Variants in PTPRK observed in about 807,000 individuals in gnomAD.
PTPRK encodes the protein protein tyrosine phosphatase receptor type K, also known as receptor-type tyrosine-protein phosphatase kappa.
PTPRK carries 75 observed loss-of-function variants against 178.0 expected under a neutral mutation model. The observed-to-expected ratio is 0.42, with a 90% CI of 0.35 to 0.51. The LOEUF is 0.51. PTPRK is among the 20% of genes least tolerant of loss of function. The pLI is 0.02. For missense variants in PTPRK, 1,441 were observed against 1,797.8 expected (o/e 0.80, Z 3.59); for synonymous variants, 637 against 620.6 (o/e 1.03, Z -0.39).
At chr6:128,185,336 A>T (rs1004081305) in intron 6 of PTPRK, among the ~76,000 whole-genome samples, 1 of 152,146 alleles carries the variant, frequency 6.6e-6, no homozygotes, top group African/African-American at 2.4e-5. Flanking sequence ...TTAAACTCAA[A>T]TATCAAAGGC....
At chr6:128,429,093 A>G (rs190434742) in intron 1 of PTPRK, among the ~76,000 whole-genome samples, 1 of 152,350 alleles carries the variant, frequency 6.6e-6, no homozygotes, top group African/African-American at 2.4e-5. Context: ...TTTGTTAAGA[A>G]AATGTAAGGC....
At chr6:128,078,488 T>A (rs1483571332) in intron 11 of PTPRK, among the ~76,000 whole-genome samples, 1 of 151,886 alleles carries the variant, frequency 6.6e-6, no homozygotes, top group Non-Finnish European at 1.5e-5. Context: ...TATCTCAGTT[T>A]CAGTTACCCG....
intron 2 of PTPRK, among the ~76,000 whole-genome samples, chr6:128,374,384 C>T (rs575227260): frequency 6.6e-6 from 1 of 152,220 alleles, no homozygotes; most frequent in Admixed American, 6.5e-5. Flanking sequence ...TAGTCCTCTC[C>T]CCTGATAATC....
intron 15 of PTPRK, among the ~76,000 whole-genome samples, chr6:128,001,676 T>C (rs1355061140): frequency 6.6e-6 from 1 of 151,730 alleles, no homozygotes; most frequent in Non-Finnish European, 1.5e-5. Flanking sequence ...ATGAAAAAGG[T>C]ATGGTAGGAA....
chr6:128,272,157 G>A (rs1008161298), intron 3 of PTPRK, among the ~76,000 whole-genome samples: 2 of 152,090 alleles, frequency 1.3e-5, no homozygotes, highest in African/African-American at 4.8e-5. Context: ...CTAGCCATAT[G>A]GAGAAAGCTG....
At chr6:128,211,176 G>C (rs1277002078) in intron 6 of PTPRK, among the ~76,000 whole-genome samples, 1 of 151,918 alleles carries the variant, frequency 6.6e-6, no homozygotes. Flanking sequence ...AGAAGAGACT[G>C]TTGTATATTT....
intron 1 of PTPRK, among the ~76,000 whole-genome samples, chr6:128,461,918 G>T (rs146985818): frequency 1.7e-3 from 252 of 152,288 alleles, no homozygotes; most frequent in African/African-American, 5.7e-3. Flanking sequence ...CATCATTGAT[G>T]AATAATATTA....
At chr6:128,375,358 C>G (rs899178439) in intron 2 of PTPRK, among the ~76,000 whole-genome samples, 1 of 151,712 alleles carries the variant, frequency 6.6e-6, no homozygotes. Flanking sequence ...TTATGTCTTA[C>G]ATGGATGGCA....
At chr6:128,256,211 A>G (rs75068004) in intron 3 of PTPRK, among the ~76,000 whole-genome samples, 2,898 of 152,258 alleles carry the variant, frequency 0.019, 80 homozygotes, top group African/African-American at 0.038. Context: ...GAACGCTATG[A>G]GAGTTCAGGG....
chr6:128,163,642 A>C (rs1418560656), intron 7 of PTPRK, among the ~76,000 whole-genome samples: 1 of 151,502 alleles, frequency 6.6e-6, no homozygotes, highest in Non-Finnish European at 1.5e-5. Flanking sequence ...CGTTTGTGAG[A>C]ATAAGGTTAA....
At chr6:127,987,070 C>T (rs1776060227) in intron 21 of PTPRK, among the ~76,000 whole-genome samples, 2 of 151,892 alleles carry the variant, frequency 1.3e-5, no homozygotes, top group African/African-American at 4.8e-5. Context: ...TAATACTTTA[C>T]TCCTTCTATA....
intron 7 of PTPRK, among the ~76,000 whole-genome samples, chr6:128,114,210 T>A (rs1265983767): frequency 6.6e-6 from 1 of 151,740 alleles, no homozygotes; most frequent in African/African-American, 2.4e-5. Flanking sequence ...GCTGCATGGG[T>A]GGGAATGCCT....
At chr6:128,430,949 T>C (rs2128393825) in intron 1 of PTPRK, among the ~76,000 whole-genome samples, 2 of 150,956 alleles carry the variant, frequency 1.3e-5, no homozygotes, top group Admixed American at 1.3e-4. Context: ...TCTTTTTTTT[T>C]TTTTTTTGAG....
intron 10 of PTPRK, among the ~76,000 whole-genome samples, chr6:128,079,171 T>C (rs73584650): frequency 0.028 from 4,275 of 152,084 alleles, 192 homozygotes; most frequent in African/African-American, 0.097. Context: ...ATTCCAAATA[T>C]TTTGTGAAGA....
At chr6:128,107,188 T>C (rs908058476) in intron 7 of PTPRK, among the ~76,000 whole-genome samples, 2 of 151,994 alleles carry the variant, frequency 1.3e-5, no homozygotes, top group Non-Finnish European at 2.9e-5. Flanking sequence ...TTATCTCATA[T>C]AGTATTATAT....
At chr6:128,227,788 T>C (rs1319729903) in intron 5 of PTPRK, among the ~76,000 whole-genome samples, 1 of 152,082 alleles carries the variant, frequency 6.6e-6, no homozygotes, top group South Asian at 2.1e-4. Context: ...ATTCATGAGA[T>C]GAAACAATAT....
At chr6:128,293,408 C>A (rs1823739674) in intron 3 of PTPRK, among the ~76,000 whole-genome samples, 2 of 152,126 alleles carry the variant, frequency 1.3e-5, no homozygotes, top group African/African-American at 4.8e-5. Context: ...ACCCCACAAG[C>A]CAACACCTTT....
chr6:128,380,998 A>G (rs1837831594), intron 2 of PTPRK, among the ~76,000 whole-genome samples: 1 of 152,170 alleles, frequency 6.6e-6, no homozygotes, highest in African/African-American at 2.4e-5. Flanking sequence ...ACAGTTTTAA[A>G]CCCATTTTTT....
chr6:128,366,999 T>C (rs1379967041), intron 2 of PTPRK, among the ~76,000 whole-genome samples: 1 of 152,016 alleles, frequency 6.6e-6, no homozygotes, highest in Non-Finnish European at 1.5e-5. Context: ...CAAGCAAACT[T>C]CTCGTTTGAT....
Sources: allele counts gnomAD v4.1 joint callset (sites outside exome capture counted in the v4.1 genomes callset), GRCh38; gene constraint gnomAD v4.1.1; transcripts MANE v1.5; gene names NCBI Gene and HGNC (gene_info 2026-07-23, HGNC 2026-07-21).